NPR1: variants seen among roughly 807,000 people sequenced by gnomAD.
NPR1 encodes the protein atrial natriuretic peptide receptor 1.
NPR1 carries 57 observed loss-of-function variants against 116.9 expected under a neutral mutation model. That is an observed-to-expected ratio of 0.49 (90% CI 0.39 to 0.61). NPR1 has a LOEUF of 0.61. NPR1 is among the 20% of genes least tolerant of loss of function. The probability of loss-of-function intolerance (pLI) is 0.00; values close to 1 mark genes in which losing one functional copy is unlikely to be tolerated. For missense variants in NPR1, 1,096 were observed against 1,409.8 expected, an observed-to-expected ratio of 0.78 and a Z score of 3.56; for synonymous variants, 555 against 601.6, an observed-to-expected ratio of 0.92 and a Z score of 1.13.
intron 2 of NPR1, 88 bp downstream of exon 2, chr1:153,680,788 C>A: frequency 9.0e-7 from 1 of 1,105,154 alleles, no homozygotes; most frequent in Non-Finnish European, 1.3e-6. Flanking sequence ...GAAAGAATTC[C>A]AGAAAAGAGG....
intron 20 of NPR1, among the ~76,000 whole-genome samples, chr1:153,691,342 C>T (rs996646211): frequency 6.6e-6 from 1 of 152,174 alleles, no homozygotes; most frequent in Non-Finnish European, 1.5e-5. Context: ...CTGCTGTATT[C>T]GACACAATTC....
intron 20 of NPR1, among the ~76,000 whole-genome samples, chr1:153,690,942 CAAAAAAAAAAAAAAA>C (rs57820357): frequency 7.8e-5 from 4 of 51,320 alleles, no homozygotes; most frequent in South Asian, 1.9e-3. Context: ...AACTCTGTCT[CAAAAAAAAAAAAAAA>C]AAAAAAAAAA....
chr1:153,690,651 C>T (rs1571353753), intron 20 of NPR1, among the ~76,000 whole-genome samples: 1 of 151,960 alleles, frequency 6.6e-6, no homozygotes, highest in East Asian at 1.9e-4. Flanking sequence ...GATTTTAAGA[C>T]CCTCTGTGGG....
rs1669785677 is a variant in NPR1 at position 153,681,685 on chromosome 1, C to T, written c.1036-19C>T. 1 of 1,611,052 alleles carries T rather than the reference C, an allele frequency of 6.2e-7. No individual in the cohort carries two copies. The highest frequency in any genetic ancestry group is 8.5e-7 in the Non-Finnish European group (1 of 1,177,720). ...CCCTTCATATGCCCACCCCAGCCGACCTCTGTTTGCCCCTACAGGTGAACA... is the reference window on the plus strand; with the variant it reads ...CCCTTCATATGCCCACCCCAGCCGATCTCTGTTTGCCCCTACAGGTGAACA... On this transcript the variant is annotated intron_variant, in intron 3 of 21. Coordinates refer to ENST00000368680, the MANE Select transcript of NPR1 (RefSeq NM_000906.4).
At chr1:153,690,663 C>T (rs1670081400) in intron 20 of NPR1, among the ~76,000 whole-genome samples, 1 of 152,078 alleles carries the variant, frequency 6.6e-6, no homozygotes, top group South Asian at 2.1e-4. Context: ...CTCTGTGGGC[C>T]GGGCGTGGTG....
In NPR1 at chr1:153,687,273, G is replaced by A; in HGVS notation, c.2009G>A (p.Gly670Glu). 1 of 1,614,100 alleles carries A rather than the reference G, an allele frequency of 6.2e-7. No homozygotes were observed. The highest frequency in any genetic ancestry group is 8.5e-7 in the Non-Finnish European group (1 of 1,179,992). The stretch of plus-strand genomic sequence containing the variant: ...AAGTCATCCAACTGCGTGGTAGATG[G>A]GCGCTTTGTGCTCAAGATCACCGAC... ...NLKSSNCVVD[G>E]RFVLKITDYG... The change falls in exon 13 of 22, where the codon GGG becomes GAG. Residue 670 changes from glycine (G) to glutamate (E), a missense_variant. Gly to Glu is a moderately conservative substitution (Grantham distance 98). Transcript: ENST00000368680.
At chr1:153,682,261 C>T (rs1003675595) in intron 4 of NPR1, among the ~76,000 whole-genome samples, 13 of 151,942 alleles carry the variant, frequency 8.6e-5, no homozygotes, top group Non-Finnish European at 1.2e-4. Flanking sequence ...GGTTTCACCA[C>T]GTTGGTCAGG....
chr1:153,680,637 T>A lies in NPR1; in HGVS notation c.858T>A (p.Pro286=), dbSNP rs1334526392. 1.9e-6 allele frequency: 3 copies of A among 1,614,020 alleles called. No individual in the cohort carries two copies. Among genetic ancestry groups the A allele is most frequent in the African/African-American group, 1.3e-5 (1 of 74,930 alleles). The part of the protein sequence containing the change: ...FGQSLQGGQG[P]APRRPWERGD... ...AAAGCCTGCAAGGTGGACAGGGCCCTGCTCCCCGCAGGCCCTGGGAGAGAG... is the reference window on the plus strand; with the variant it reads ...AAAGCCTGCAAGGTGGACAGGGCCCAGCTCCCCGCAGGCCCTGGGAGAGAG... Residue 286 remains proline (P), a synonymous_variant, in exon 2 of 22, where the codon CCT becomes CCA. Transcript: ENST00000368680.
chr1:153,686,533 T>C, intron 10 of NPR1, 113 bp from the exon 11 acceptor site: 1 of 881,882 alleles, frequency 1.1e-6, no homozygotes, highest in Non-Finnish European at 1.8e-6. Flanking sequence ...ATCTTAGTGA[T>C]GGTTGCAGAA....
chr1:153,680,806 CTGTT>C (rs1181273323), intron 2 of NPR1, 106 bp downstream of exon 2: 4 of 941,840 alleles, frequency 4.2e-6, no homozygotes, highest in African/African-American at 3.3e-5. Context: ...AGGTTTTTGT[CTGTT>C]TGTTTCTTTA....
At chr1:153,687,143 T>C (rs1297696539) in intron 12 of NPR1, 56 bp downstream of exon 12, 2 of 1,613,778 alleles carry the variant, frequency 1.2e-6, no homozygotes, top group East Asian at 2.2e-5. Flanking sequence ...ATGCTTCTCC[T>C]GGCCACGGGT....
At chr1:153,685,704 A>C in intron 8 of NPR1, 102 bp from the exon 9 acceptor site, 1 of 876,846 alleles carries the variant, frequency 1.1e-6, no homozygotes, top group Admixed American at 2.2e-5. Context: ...TGACACAAAG[A>C]TAAGGCAGGA....
chr1:153,687,339 G>T lies in NPR1; in HGVS notation c.2075G>T (p.Gly692Val). The T allele has an allele frequency of 6.2e-7, 1 of 1,614,046 alleles. No individual in the cohort carries two copies. Among genetic ancestry groups the T allele is most frequent in the South Asian group, 1.1e-5 (1 of 91,074 alleles). ...TTCAGGGACCTGGACCCAGAGCAAG[G>T]ACACACCGTTTATGCCAGTGAGCCT... ...ESFRDLDPEQ[G>V]HTVYAKKLWT... The change falls in exon 13 of 22, where the codon GGA becomes GTA. Residue 692 changes from glycine to valine, a missense_variant. Transcript: ENST00000368680.
Position 153,693,517 on chromosome 1 carries a change from G to A in NPR1, c.*103G>A, listed in dbSNP as rs1670161714. The A allele has an allele frequency of 9.4e-7, 1 of 1,068,640 alleles. No individual in the cohort carries two copies. The allele number at this position is 1,068,640 out of a possible 1,614,324, so 66.2% of individuals were successfully genotyped here. ...CACAGCAGCCCCATCGCCAAAGGAT[G>A]GAAGTAATTTGAATAGCTCAGGTGT... On this transcript the variant is annotated 3_prime_UTR_variant, in exon 22 of 22. Transcript: ENST00000368680.
In NPR1 at chr1:153,682,602, AC is replaced by A; in HGVS notation, c.1263+16del. On this transcript the variant is annotated intron_variant, in intron 5 of 21. Transcript: ENST00000368680. ...TGGTGCCTTCAGGGTAAGTTTGTGC[AC>A]CCAGAAGACAGTGCCAATTCCAAAT... 6.3e-7 allele frequency: 1 copy of A among 1,599,190 alleles called. No individual in the cohort carries two copies. Among genetic ancestry groups the A allele is most frequent in the Non-Finnish European group, 8.6e-7 (1 of 1,166,678 alleles).
At chr1:153,683,605 G>GT (rs1557961727) in intron 6 of NPR1, 94 bp downstream of exon 6, 5 of 1,568,262 alleles carry the variant, frequency 3.2e-6, no homozygotes, top group Non-Finnish European at 3.5e-6. Flanking sequence ...CATGCTGAGG[G>GT]CTTTCTGGAG....
rs769903857 is a variant in NPR1 at position 153,679,724 on chromosome 1, C to A, written c.616C>A (p.Arg206=). 3.2e-5 allele frequency: 52 copies of A among 1,605,388 alleles called. No homozygotes were observed. Among genetic ancestry groups the A allele is most frequent in the Non-Finnish European group, 4.2e-5 (49 of 1,178,110 alleles). ...CFFLVEGLFM[R]VRDRLNITVD... The stretch of plus-strand genomic sequence containing the variant: ...CTTCCTCGTGGAGGGGCTGTTCATG[C>A]GGGTCCGCGACCGCCTCAATATTAC... Residue 206 remains arginine, a synonymous_variant, in exon 1 of 22, where the codon CGG becomes AGG. Transcript: ENST00000368680. This position sits in a 1 kb window ranked among gnomAD's most constrained non-coding sequence, Gnocchi z 4.2.
At position 153,678,925 on chromosome 1, in the gene NPR1, C is replaced by T. The variant is rs1669675472; in HGVS notation, c.-184C>T. On this transcript the variant is annotated 5_prime_UTR_variant, in exon 1 of 22. Transcript: ENST00000368680. This position sits in a 1 kb window ranked among gnomAD's most constrained non-coding sequence, Gnocchi z 5.8. ...CCTGCGCGCCCCCCTCGGTCGCGCC[C>T]CTTGCGCTCTCGGCCCAGACCGTCG... The T allele has an allele frequency of 1.2e-6, 1 of 809,622 alleles. No individual in the cohort carries two copies. The highest frequency in any genetic ancestry group is 1.8e-6 in the Non-Finnish European group (1 of 571,056). 50.2% of individuals were successfully genotyped at this position (809,622 alleles called of 1,614,324 possible).
At chr1:153,680,939 A>G (rs567415253) in intron 2 of NPR1, 1 of 599,136 alleles carries the variant, frequency 1.7e-6, no homozygotes, top group East Asian at 2.8e-5. Flanking sequence ...AAAAGATAAG[A>G]AAATGGGCTT....
Sources: allele counts gnomAD v4.1 joint callset (sites outside exome capture counted in the v4.1 genomes callset), GRCh38; gene constraint gnomAD v4.1.1; non-coding constraint Gnocchi (gnomAD v3.1); transcripts MANE v1.5; gene names NCBI Gene and HGNC (gene_info 2026-07-23, HGNC 2026-07-21).